ANO1: variants seen among roughly 807,000 people sequenced by gnomAD.
ANO1 encodes anoctamin 1, also known as anoctamin-1.
ANO1 carries 59 observed loss-of-function variants against 124.0 expected under a neutral mutation model. The observed-to-expected ratio is 0.48, with a 90% CI of 0.39 to 0.59. The LOEUF is 0.59. ANO1 is among the 20% of genes least tolerant of loss of function. The pLI, the probability that ANO1 is intolerant of heterozygous loss-of-function variation, is 0.00. For synonymous variants in ANO1, 529 were observed against 532.0 expected (o/e 0.99, Z 0.08); for missense variants, 1,059 against 1,328.0 (o/e 0.80, Z 3.15).
intron 1 of ANO1, among the ~76,000 whole-genome samples, chr11:70,008,146 A>G (rs7130595): frequency 0.28 from 42,813 of 152,106 alleles, 6,557 homozygotes; most frequent in African/African-American, 0.41. Context: ...CTCTTTATAT[A>G]TATTAGATAT....
At chr11:70,055,994 A>T (rs1555006803) in intron 1 of ANO1, among the ~76,000 whole-genome samples, 208 of 151,660 alleles carry the variant, frequency 1.4e-3, no homozygotes, top group African/African-American at 4.9e-3. Context: ...CCTTTTGTTT[A>T]TTTTTGTCAT....
At chr11:69,994,835 CT>C (rs1442271206) in intron 1 of ANO1, among the ~76,000 whole-genome samples, 7 of 152,192 alleles carry the variant, frequency 4.6e-5, no homozygotes, top group African/African-American at 1.7e-4. Context: ...TTCACAATCT[CT>C]TCCCCACCAG....
chr11:69,975,968 T>C, the ANO1 span, among the ~76,000 whole-genome samples: 1 of 152,186 alleles, frequency 6.6e-6, no homozygotes, highest in Non-Finnish European at 1.5e-5. Context: ...CTTGCTGTCC[T>C]CTGCGCCCTG....
chr11:70,070,143 CTT>C (rs1261042107), intron 1 of ANO1, among the ~76,000 whole-genome samples: 1 of 152,118 alleles, frequency 6.6e-6, no homozygotes, highest in African/African-American at 2.4e-5. Context: ...TGGGGCTCAA[CTT>C]TGTTGGATAG....
intron 1 of ANO1, among the ~76,000 whole-genome samples, chr11:69,998,623 T>C (rs912419460): frequency 1.3e-5 from 2 of 152,180 alleles, no homozygotes; most frequent in Admixed American, 1.3e-4. Flanking sequence ...ACTGGAATCA[T>C]TGGGTGTATT....
rs568010170 is a variant in ANO1 at position 70,155,905 on chromosome 11, C to A, written c.1426-6C>A. ...ACGGTGCTCTCTTTCCCCCACCCCC[C>A]CTCAGAAGCGCCGGCATATTCCAGA... On this transcript the variant is annotated splice_region_variant and splice_polypyrimidine_tract_variant and intron_variant, in intron 14 of 25. Coordinates refer to ENST00000355303, the MANE Select transcript of ANO1 (RefSeq NM_018043.7). 4.5e-6 allele frequency: 7 copies of A among 1,541,862 alleles called. No individual in the cohort carries two copies. The highest frequency in any genetic ancestry group is 2.5e-5 in the East Asian group (1 of 39,998).
chr11:69,995,864 T>C (rs1856260094), intron 1 of ANO1, among the ~76,000 whole-genome samples: 1 of 152,158 alleles, frequency 6.6e-6, no homozygotes, highest in African/African-American at 2.4e-5. Flanking sequence ...CCCAGCACTT[T>C]GGGAGGCAGA....
intron 22 of ANO1, 47 bp from the exon 23 acceptor site, chr11:70,179,957 A>G: frequency 6.4e-7 from 1 of 1,559,112 alleles, no homozygotes; most frequent in Non-Finnish European, 8.8e-7. Context: ...AGCTGGAATG[A>G]CTGAGAGTGT....
intron 2 of ANO1, among the ~76,000 whole-genome samples, chr11:70,097,877 T>C (rs1354635966): frequency 6.6e-6 from 1 of 152,156 alleles, no homozygotes; most frequent in Non-Finnish European, 1.5e-5. Flanking sequence ...GCTAAACAGA[T>C]AAGCCTGGCT....
At chr11:70,059,950 CTTTTTTTTTTTTT>C (rs36021561) in intron 1 of ANO1, among the ~76,000 whole-genome samples, 3 of 75,542 alleles carry the variant, frequency 4.0e-5, no homozygotes, top group Non-Finnish European at 7.1e-5. Context: ...AGGCGTTGGC[CTTTTTTTTTTTTT>C]TTTTTTTTTT....
chr11:69,981,677 C>T (rs1855960951), upstream of ANO1, among the ~76,000 whole-genome samples: 1 of 152,232 alleles, frequency 6.6e-6, no homozygotes, highest in South Asian at 2.1e-4. Context: ...CCCTCCTCTC[C>T]CGCTAGCCCT....
intron 10 of ANO1, 141 bp downstream of exon 10, chr11:70,126,336 C>A: frequency 8.7e-7 from 1 of 1,142,942 alleles, no homozygotes; most frequent in Non-Finnish European, 1.2e-6. Flanking sequence ...CACGAGCCGT[C>A]AGGAGGAAAG....
chr11:70,153,183 A>G, intron 14 of ANO1, 55 bp downstream of exon 14: 2 of 1,425,562 alleles, frequency 1.4e-6, no homozygotes, highest in South Asian at 1.2e-5. Context: ...GTGTTCATCA[A>G]CCATGTAGAC....
chr11:70,112,121 C>T (rs1320306052), intron 7 of ANO1, among the ~76,000 whole-genome samples: 1 of 152,198 alleles, frequency 6.6e-6, no homozygotes, highest in Non-Finnish European at 1.5e-5. Flanking sequence ...GGGCTCTGTA[C>T]GTGTCTATTT....
intron 1 of ANO1, among the ~76,000 whole-genome samples, chr11:70,032,539 G>GT (rs1358907149): frequency 6.6e-6 from 1 of 151,490 alleles, no homozygotes; most frequent in Non-Finnish European, 1.5e-5. Context: ...CGGGAGAGGG[G>GT]GGGGGTCTCT....
At chr11:70,111,292 C>A in intron 6 of ANO1, 1 of 469,018 alleles carries the variant, frequency 2.1e-6, no homozygotes, top group Non-Finnish European at 4.2e-6. Flanking sequence ...CCGTATATTT[C>A]CTCATGATTC....
intron 1 of ANO1, among the ~76,000 whole-genome samples, chr11:70,080,730 C>T (rs1321758448): frequency 6.6e-6 from 1 of 152,236 alleles, no homozygotes. Flanking sequence ...TTCCACACAA[C>T]ACTTCCGTTA....
chr11:70,071,986 A>T (rs1565174022), intron 1 of ANO1, among the ~76,000 whole-genome samples: 1 of 152,188 alleles, frequency 6.6e-6, no homozygotes, highest in East Asian at 1.9e-4. Context: ...CACATAACAT[A>T]GATTATTGAT....
At chr11:70,123,295 C>T (rs1423714615) in intron 8 of ANO1, among the ~76,000 whole-genome samples, 1 of 152,242 alleles carries the variant, frequency 6.6e-6, no homozygotes, top group Non-Finnish European at 1.5e-5. Context: ...GGAATACGCC[C>T]TCCACCTGTG....
Sources: allele counts gnomAD v4.1 joint callset (sites outside exome capture counted in the v4.1 genomes callset), GRCh38; gene constraint gnomAD v4.1.1; transcripts MANE v1.5; gene names NCBI Gene and HGNC (gene_info 2026-07-23, HGNC 2026-07-21).